Variants in NAA40 observed in about 807,000 individuals in gnomAD.
NAA40 encodes the protein N-alpha-acetyltransferase 40.
Under a neutral mutation model 36.6 loss-of-function variants are expected in NAA40, and 26 were observed. The ratio of observed to expected loss-of-function variants is 0.71; its 90% CI spans 0.52 to 0.98. The LOEUF (loss-of-function observed/expected upper bound fraction) is 0.98. Among genes scored for constraint, NAA40 ranks in the 50% least tolerant of loss-of-function variants. The pLI is 0.00. For synonymous variants in NAA40, 129 were observed against 108.4 expected, an observed-to-expected ratio of 1.19 and a Z score of -1.18; for missense variants, 237 against 306.5, an observed-to-expected ratio of 0.77 and a Z score of 1.69.
At position 63,952,237 on chromosome 11, in the gene NAA40, G is replaced by C; in HGVS notation, c.156-1G>C. 6.2e-7 allele frequency: 1 copy of C among 1,609,324 alleles called. No homozygotes were observed. The highest frequency in any genetic ancestry group is 8.5e-7 in the Non-Finnish European group (1 of 1,177,178). On this transcript the variant is annotated splice_acceptor_variant, in intron 3 of 7. Coordinates refer to ENST00000377793, the MANE Select transcript of NAA40 (RefSeq NM_024771.4). LOFTEE classifies it high-confidence loss of function. The stretch of plus-strand genomic sequence containing the variant: ...CCGTACACGTCCTGTCCTCTTCTCA[G>C]GTTGAATGTCTCCATTGAATGTAAG...
intron 3 of NAA40, 170 bp from the exon 4 acceptor site, chr11:63,952,068 A>G (rs1942287976): frequency 1.7e-6 from 1 of 573,104 alleles, no homozygotes; most frequent in Admixed American, 3.0e-5. Flanking sequence ...TCAGCCTGAA[A>G]GACTTTGTTC....
rs1942331484 is a variant in NAA40, at chr11:63,954,445, A to G, written c.680A>G (p.His227Arg). 4.3e-6 allele frequency: 7 copies of G among 1,610,650 alleles called. No individual in the cohort carries two copies. Among genetic ancestry groups the G allele is most frequent in the Non-Finnish European group, 5.9e-6 (7 of 1,178,488 alleles). The change falls in exon 8 of 8, where the codon CAC (histidine) becomes CGC (arginine). Residue 227 changes from histidine to arginine, a missense_variant. Physicochemically the swap from His to Arg is conservative, Grantham distance 29. Transcript: ENST00000377793. Reference protein sequence around the residue: ...RTKFGDSHHSHAGGHCGGCCH With the variant: ...RTKFGDSHHSRAGGHCGGCCH ...AAGTTTGGGGACAGCCATCACTCCC[A>G]CGCGGGTGGGCACTGTGGTGGCTGC... is the stretch of plus-strand genomic sequence containing the variant.
At chr11:63,947,855 A>G (rs1942213923) in intron 3 of NAA40, among the ~76,000 whole-genome samples, 1 of 151,336 alleles carries the variant, frequency 6.6e-6, no homozygotes, top group African/African-American at 2.4e-5. Context: ...TCAAATAGCT[A>G]GGATTAAAGG....
chr11:63,939,118 AGAG>A lies in NAA40; in HGVS notation c.6+20_6+22del, dbSNP rs150604805. The A allele has an allele frequency of 4.6e-4, 737 of 1,604,220 alleles. 4 individuals are homozygous for A. In the African/African-American group the frequency reaches 9.1e-3, roughly 20 times the overall value. ...CGCTATGGGGGTGAGTGAGGCAGAG[AGAG>A]GAGATGGGAGGTCCAGGGGCGCTCC... On this transcript the variant is annotated intron_variant, in intron 1 of 7. Transcript: ENST00000377793.
chr11:63,947,779 T>C (rs1590754446), intron 3 of NAA40, among the ~76,000 whole-genome samples: 1 of 142,512 alleles, frequency 7.0e-6, no homozygotes, highest in African/African-American at 2.6e-5. Flanking sequence ...CAGGCTGGAG[T>C]GCAGTGGTGC....
rs896040195 is a variant in NAA40, at chr11:63,955,258, G to C, written c.*779G>C. 1.3e-5 allele frequency: 2 copies of C among 152,574 alleles called. No homozygotes were observed. Among genetic ancestry groups the C allele is most frequent in the Non-Finnish European group, 2.9e-5 (2 of 68,038 alleles). The allele number at this position is 152,574 out of a possible 1,614,324, so 9.5% of individuals were successfully genotyped here. A position where few individuals can be genotyped will look rare whatever the true frequency, so the allele number is the denominator to read the frequency against. ...CCTCCTGGTCTCATGGCAGTGACTT[G>C]AGCTTTTGATTCATAGAAGAAAGCC... On this transcript the variant is annotated 3_prime_UTR_variant, in exon 8 of 8. Transcript: ENST00000377793.
chr11:63,939,369 A>C, intron 1 of NAA40: 3 of 1,224,964 alleles, frequency 2.4e-6, no homozygotes, highest in Admixed American at 4.6e-5. Flanking sequence ...CGGACCCGTT[A>C]CTGGCCTCCC....
intron 2 of NAA40, chr11:63,946,167 T>A (rs1318520202): frequency 7.2e-6 from 4 of 555,096 alleles, no homozygotes; most frequent in African/African-American, 3.8e-5. Flanking sequence ...TGCCTCCCTG[T>A]GGATCTTCTT....
chr11:63,952,475 G>C lies in NAA40; in HGVS notation c.320G>C (p.Trp107Ser). 1 of 1,614,180 alleles carries C rather than the reference G, an allele frequency of 6.2e-7. No individual in the cohort carries two copies. The highest frequency in any genetic ancestry group is 8.5e-7 in the Non-Finnish European group (1 of 1,180,042). Residue 107 changes from tryptophan to serine, a missense_variant, in exon 5 of 8, where the codon TGG (tryptophan) becomes TCG (serine). By Grantham distance (177) the Trp-to-Ser change is radical. Coordinates refer to ENST00000377793, the MANE Select transcript of NAA40 (RefSeq NM_024771.4). ...KREEMTDDRA[W>S]YLIAWENSSV... ...GAGGAAATGACAGATGACCGAGCCTGGTACCTCATCGCGTGGGAAAACAGC... is the reference window on the plus strand; with the variant it reads ...GAGGAAATGACAGATGACCGAGCCTCGTACCTCATCGCGTGGGAAAACAGC...
At chr11:63,946,877 C>T in intron 2 of NAA40, 74 bp from the exon 3 acceptor site, 1 of 1,604,834 alleles carries the variant, frequency 6.2e-7, no homozygotes. Flanking sequence ...CACTCCAAGA[C>T]AACAGCTCTT....
intron 6 of NAA40, 147 bp downstream of exon 6, chr11:63,952,986 A>C (rs1257115323): frequency 3.8e-6 from 2 of 521,532 alleles, no homozygotes; most frequent in Admixed American, 6.2e-5. Flanking sequence ...TCTCAGTAAG[A>C]TGCTCCCTGC....
rs962922435 is a variant in NAA40, at chr11:63,947,334, G to T, written c.155+331G>T. ...AGGCAGGAGAATCACTTGAACCCGG[G>T]GGGCAGAGGTTGCAGTGAGCCGAGA... On this transcript the variant is annotated intron_variant, in intron 3 of 7. Transcript: ENST00000377793. 6.6e-5 allele frequency among the ~76,000 whole-genome samples: 10 copies of T among 152,126 alleles called. No homozygotes were observed. The East Asian group carries it at 1.8e-3, about 27-fold the overall frequency.
At position 63,957,239 on chromosome 11, in the gene NAA40, A is replaced by G. The variant is rs1164774557; in HGVS notation, c.*2760A>G. 7.0e-6 allele frequency: 1 copy of G among 142,822 alleles called. No individual in the cohort carries two copies. The highest frequency in any genetic ancestry group is 1.5e-5 in the Non-Finnish European group (1 of 66,776). 8.8% of individuals were successfully genotyped at this position (142,822 alleles called of 1,614,324 possible). A position where few individuals can be genotyped will look rare whatever the true frequency, so the allele number is the denominator to read the frequency against. On this transcript the variant is annotated 3_prime_UTR_variant, in exon 8 of 8. Transcript: ENST00000377793. Reference sequence around the variant, plus strand: ...TTTTTTTTTTCTTTAGCAGCTTGTTATCACTGGAATCAAAGGGAAAAAGTG... The same window carrying G: ...TTTTTTTTTTCTTTAGCAGCTTGTTGTCACTGGAATCAAAGGGAAAAAGTG...
At chr11:63,939,153 C>T (rs1942064591) in intron 1 of NAA40, 51 bp downstream of exon 1, 1 of 1,558,290 alleles carries the variant, frequency 6.4e-7, no homozygotes, top group Non-Finnish European at 8.7e-7. Context: ...CTCCTCGCTA[C>T]CCTCGCCCCC....
At chr11:63,953,091 C>T (rs964955981) in intron 6 of NAA40, among the ~76,000 whole-genome samples, 3 of 137,496 alleles carry the variant, frequency 2.2e-5, no homozygotes, top group Non-Finnish European at 3.0e-5. Context: ...TCTTGTTGCC[C>T]GGGCTGGAGT....
intron 3 of NAA40, among the ~76,000 whole-genome samples, chr11:63,951,016 A>G (rs933219200): frequency 6.6e-5 from 10 of 152,178 alleles, no homozygotes; most frequent in Non-Finnish European, 1.3e-4. Context: ...AAAGAAAGGA[A>G]GATGCTTCAG....
chr11:63,939,016 C>G lies in NAA40; in HGVS notation c.-81C>G, dbSNP rs949664505. The G allele has an allele frequency of 1.4e-6, 2 of 1,436,020 alleles. No homozygotes were observed. Among genetic ancestry groups the G allele is most frequent in the Non-Finnish European group, 1.9e-6 (2 of 1,041,184 alleles). The allele number at this position is 1,436,020 out of a possible 1,614,324, so 89.0% of individuals were successfully genotyped here. A position where few individuals can be genotyped will look rare whatever the true frequency, so the allele number is the denominator to read the frequency against. On this transcript the variant is annotated 5_prime_UTR_variant, in exon 1 of 8. Coordinates refer to ENST00000377793, the MANE Select transcript of NAA40 (RefSeq NM_024771.4). ...GTTGCAGGGCCGTCCGCTCTGCTGC[C>G]GCCGCTGTTGCAGCCACCGCCGTTG... is the stretch of plus-strand genomic sequence containing the variant.
At chr11:63,950,125 T>TG (rs1942255093) in intron 3 of NAA40, among the ~76,000 whole-genome samples, 1 of 148,454 alleles carries the variant, frequency 6.7e-6, no homozygotes, top group African/African-American at 2.5e-5. Context: ...TTTTTTTGTT[T>TG]TTTTTTTTTT....
intron 2 of NAA40, chr11:63,946,288 C>T (rs1229241634): frequency 3.8e-6 from 1 of 262,420 alleles, no homozygotes; most frequent in Non-Finnish European, 7.4e-6. Context: ...TCACTTCAAC[C>T]TTGCAGCCTC....
Sources: gnomAD v4.1 joint callset for allele counts (sites outside exome capture counted in the v4.1 genomes callset) on GRCh38, gnomAD v4.1.1 for gene constraint, MANE v1.5 for transcripts, NCBI Gene and HGNC (gene_info 2026-07-23, HGNC 2026-07-21) for gene names.